The following ACOT13 variants were observed in gnomAD, a reference collection of about 807,000 sequenced individuals.
ACOT13 encodes the protein acyl-coenzyme A thioesterase 13.
ACOT13 carries 10 observed loss-of-function variants against 11.8 expected under a neutral mutation model. That is an observed-to-expected ratio of 0.85 (90% CI 0.53 to 1.44). The LOEUF (loss-of-function observed/expected upper bound fraction) is 1.44. Among genes scored for constraint, ACOT13 ranks in the 40% most tolerant of loss-of-function variants. The pLI is 0.00. For missense variants in ACOT13, 172 were observed against 174.1 expected (o/e 0.99, Z 0.07); for synonymous variants, 53 against 61.0 (o/e 0.87, Z 0.61).
rs1440276124 is a variant in ACOT13 at position 24,702,735 on chromosome 6, C to G, written c.*1120C>G. On this transcript the variant is annotated 3_prime_UTR_variant, in exon 3 of 3. Transcript: ENST00000230048. ...AAAAGACCTCAAGAAAAGTTTGAGG[C>G]TAAGCATGTTAGTGTTACAGGAAAT... is the stretch of plus-strand genomic sequence containing the variant. 6.6e-6 allele frequency: 1 copy of G among 152,020 alleles called. No homozygotes were observed. Among genetic ancestry groups the G allele is most frequent in the Non-Finnish European group, 1.5e-5 (1 of 68,008 alleles). 9.4% of individuals were successfully genotyped at this position (152,020 alleles called of 1,614,324 possible).
intron 1 of ACOT13, among the ~76,000 whole-genome samples, chr6:24,689,336 T>C (rs1163401832): frequency 6.6e-6 from 1 of 152,122 alleles, no homozygotes; most frequent in Non-Finnish European, 1.5e-5. Flanking sequence ...CACACAGCTA[T>C]TGAAAGAGAT....
chr6:24,669,944 T>G (rs767779855), intron 1 of ACOT13, among the ~76,000 whole-genome samples: 8 of 151,500 alleles, frequency 5.3e-5, no homozygotes, highest in Non-Finnish European at 1.2e-4. Flanking sequence ...GACTCCTAAT[T>G]AGGAAAAAAA....
At chr6:24,669,165 A>G (rs1427757241) in intron 1 of ACOT13, among the ~76,000 whole-genome samples, 3 of 152,252 alleles carry the variant, frequency 2.0e-5, no homozygotes, top group East Asian at 3.8e-4. Context: ...ATGCGCACGC[A>G]GTGACACAGC....
At chr6:24,695,075 G>A (rs953826478) in intron 1 of ACOT13, among the ~76,000 whole-genome samples, 3 of 152,040 alleles carry the variant, frequency 2.0e-5, no homozygotes, top group African/African-American at 4.8e-5. Flanking sequence ...TTGGGAGGCC[G>A]AGGTGGGTGG....
At chr6:24,696,082 A>G (rs901697948) in intron 1 of ACOT13, among the ~76,000 whole-genome samples, 8 of 151,934 alleles carry the variant, frequency 5.3e-5, no homozygotes. Flanking sequence ...ACAAAAAAAC[A>G]AAAAACAAAA....
intron 2 of ACOT13, among the ~76,000 whole-genome samples, chr6:24,700,121 T>C (rs539941284): frequency 2.0e-5 from 3 of 152,304 alleles, no homozygotes; most frequent in South Asian, 4.1e-4. Context: ...TGTTAGACTG[T>C]GACTTAGGTT....
chr6:24,700,171 T>G (rs905158442), intron 2 of ACOT13, among the ~76,000 whole-genome samples: 1 of 152,164 alleles, frequency 6.6e-6, no homozygotes, highest in Admixed American at 6.5e-5. Context: ...AGGGGAAATT[T>G]TAGAGTATTA....
rs557775857 is a variant in ACOT13, at chr6:24,702,160, G to A, written c.*545G>A. 2.6e-5 allele frequency: 4 copies of A among 152,660 alleles called. No individual in the cohort carries two copies. The highest frequency in any genetic ancestry group is 9.6e-5 in the African/African-American group (4 of 41,542). The allele number at this position is 152,660 out of a possible 1,614,324, so 9.5% of individuals were successfully genotyped here. ...GAGTCTCGCTCTGTTGCCCAGGCTG[G>A]AGTACAGCAGCACGATCTCGGCTCA... On this transcript the variant is annotated 3_prime_UTR_variant, in exon 3 of 3. Transcript: ENST00000230048.
rs149590167 is a variant in ACOT13, at chr6:24,675,196, G to T, written c.81+7852G>T. On this transcript the variant is annotated intron_variant, in intron 1 of 2. Coordinates refer to ENST00000230048, the MANE Select transcript of ACOT13 (RefSeq NM_018473.4). The stretch of plus-strand genomic sequence containing the variant: ...GAATAGTGCTGCAGTAAACATACAT[G>T]TGCATGTGTCTTTACAGCAGCATGA... 6.2e-4 allele frequency among the ~76,000 whole-genome samples: 94 copies of T among 152,250 alleles called. 1 individual carries two copies. The East Asian group carries it at 0.016, about 25-fold the overall frequency.
intron 1 of ACOT13, among the ~76,000 whole-genome samples, chr6:24,681,258 A>G (rs886837587): frequency 4.6e-5 from 7 of 152,214 alleles, no homozygotes; most frequent in East Asian, 1.9e-4. Flanking sequence ...TTACTTTTCT[A>G]CTTTTAGCAA....
rs1400436535 is a variant in ACOT13, at chr6:24,704,449, G to T, written c.*2834G>T. The T allele has an allele frequency of 1.3e-5, 2 of 152,220 alleles. No homozygotes were observed. Among genetic ancestry groups the T allele is most frequent in the Non-Finnish European group, 2.9e-5 (2 of 68,040 alleles). The allele number at this position is 152,220 out of a possible 1,614,324, so 9.4% of individuals were successfully genotyped here. On this transcript the variant is annotated 3_prime_UTR_variant, in exon 3 of 3. Coordinates refer to ENST00000230048, the MANE Select transcript of ACOT13 (RefSeq NM_018473.4). Reference sequence around the variant, plus strand: ...GAGCATAGGCCTTAAGAGCCAGCCAGCCTGGTTTTAAATCCTCCACTACTT... The same window carrying T: ...GAGCATAGGCCTTAAGAGCCAGCCATCCTGGTTTTAAATCCTCCACTACTT...
chr6:24,682,804 G>T (rs1055828908), intron 1 of ACOT13, among the ~76,000 whole-genome samples: 3 of 152,202 alleles, frequency 2.0e-5, no homozygotes, highest in Admixed American at 6.5e-5. Context: ...GAGTGAAATA[G>T]AGTGAAAACA....
intron 1 of ACOT13, among the ~76,000 whole-genome samples, chr6:24,689,909 A>C (rs1277121443): frequency 2.6e-5 from 4 of 152,196 alleles, no homozygotes; most frequent in Non-Finnish European, 5.9e-5. Context: ...TAATTTTAGC[A>C]GTAGTGAATG....
intron 1 of ACOT13, among the ~76,000 whole-genome samples, chr6:24,678,493 A>T: frequency 6.6e-6 from 1 of 152,142 alleles, no homozygotes; most frequent in East Asian, 1.9e-4. Flanking sequence ...GTTGGGCCTC[A>T]GGTCTAAGGG....
intron 1 of ACOT13, among the ~76,000 whole-genome samples, chr6:24,693,275 G>T (rs1778744771): frequency 6.6e-6 from 1 of 152,166 alleles, no homozygotes; most frequent in Non-Finnish European, 1.5e-5. Flanking sequence ...ACGTGTTTAT[G>T]TACACAGATT....
At chr6:24,670,463 C>T (rs1232124191) in intron 1 of ACOT13, among the ~76,000 whole-genome samples, 2 of 152,172 alleles carry the variant, frequency 1.3e-5, no homozygotes, top group African/African-American at 4.8e-5. Context: ...AAGTGTGAGG[C>T]CAGTTTTCCC....
At chr6:24,699,108 A>G (rs928720075) in intron 2 of ACOT13, among the ~76,000 whole-genome samples, 5 of 152,214 alleles carry the variant, frequency 3.3e-5, no homozygotes, top group Admixed American at 6.5e-5. Flanking sequence ...GTTTCAAGAC[A>G]ACTGCTTTTT....
rs1332284393 is a variant in ACOT13 at position 24,703,262 on chromosome 6, T to G, written c.*1647T>G. On this transcript the variant is annotated 3_prime_UTR_variant, in exon 3 of 3. Coordinates refer to ENST00000230048, the MANE Select transcript of ACOT13 (RefSeq NM_018473.4). The stretch of plus-strand genomic sequence containing the variant: ...GGATGCAGCTTTAAGTAAATTTAAG[T>G]CAAGTTAACAGTTAAAGACAAATCC... 5 of 152,060 alleles carry G rather than the reference T, an allele frequency of 3.3e-5. No individual in the cohort carries two copies. Among genetic ancestry groups the G allele is most frequent in the Non-Finnish European group, 7.4e-5 (5 of 67,984 alleles). 9.4% of individuals were successfully genotyped at this position (152,060 alleles called of 1,614,324 possible).
chr6:24,700,353 CTATT>C (rs1301339056), intron 2 of ACOT13, among the ~76,000 whole-genome samples: 1 of 149,364 alleles, frequency 6.7e-6, no homozygotes, highest in African/African-American at 2.5e-5. Context: ...ACTAAACATA[CTATT>C]TTTCATTTCT....
Sources: gnomAD v4.1 joint callset for allele counts (sites outside exome capture counted in the v4.1 genomes callset) on GRCh38, gnomAD v4.1.1 for gene constraint, MANE v1.5 for transcripts, NCBI Gene and HGNC (gene_info 2026-07-23, HGNC 2026-07-21) for gene names.